MICALL2: variants seen among roughly 807,000 people sequenced by gnomAD.
MICALL2 encodes MICAL-like protein 2.
Under a neutral mutation model 91.1 loss-of-function variants are expected in MICALL2, and 111 were observed. The observed-to-expected ratio is 1.22, with a 90% CI of 1.04 to 1.43. The LOEUF (loss-of-function observed/expected upper bound fraction) is 1.43. Ranked by LOEUF, MICALL2 falls within the 40% of genes most tolerant of loss-of-function variation. MICALL2 has a pLI of 0.00. For missense variants in MICALL2, 1,556 were observed against 1,236.0 expected (o/e 1.26, Z -3.88); for synonymous variants, 694 against 525.3 (o/e 1.32, Z -4.39).
intron 14 of MICALL2, chr7:1,437,245 G>A (rs1413230552): frequency 4.0e-6 from 2 of 503,740 alleles, no homozygotes; most frequent in African/African-American, 2.1e-5. Flanking sequence ...TACACTAAAT[G>A]CCTTGTGCGA....
chr7:1,446,995 C>T (rs1780628863), intron 4 of MICALL2, among the ~76,000 whole-genome samples, 167 bp from the exon 5 acceptor site: 1 of 152,152 alleles, frequency 6.6e-6, no homozygotes, highest in Admixed American at 6.5e-5. Context: ...GTGGCAGCCC[C>T]AGTCCAGGGC....
Position 1,444,747 on chromosome 7 carries a change from A to G in MICALL2, c.1323T>C (p.Leu441=). ...SLSGRGPTPS[L]VLSKDSSKEQ... ...CCTTGCTGCTGTCCTTGGATAGAAC[A>G]AGTGACGGGGTGGGACCTCTGCCAG... The change falls in exon 6 of 17, where the codon CTT becomes CTC. Residue 441 remains leucine (L), a synonymous_variant. Coordinates refer to ENST00000297508, the MANE Select transcript of MICALL2 (RefSeq NM_182924.4). The G allele has an allele frequency of 1.2e-6, 2 of 1,612,432 alleles. No homozygotes were observed. Among genetic ancestry groups the G allele is most frequent in the African/African-American group, 2.7e-5 (2 of 75,046 alleles).
In MICALL2 at chr7:1,434,540, C is replaced by T. The variant is rs764740702; in HGVS notation, c.*56G>A. On this transcript the variant is annotated 3_prime_UTR_variant, in exon 17 of 17. Transcript: ENST00000297508. ...TTCCGGGTCCGGGCCAAGCCCATGG[C>T]CCCGAGTCCAAGTCCGGATGCCAGG... 2.7e-6 allele frequency: 4 copies of T among 1,476,516 alleles called. No individual in the cohort carries two copies. Among genetic ancestry groups the T allele is most frequent in the Non-Finnish European group, 3.8e-6 (4 of 1,055,856 alleles). The allele number at this position is 1,476,516 out of a possible 1,614,324, so 91.5% of individuals were successfully genotyped here.
intron 14 of MICALL2, chr7:1,437,251 T>A: frequency 1.9e-6 from 1 of 524,134 alleles, no homozygotes; most frequent in Non-Finnish European, 3.3e-6. Context: ...AAATGCCTTG[T>A]GCGAATTGAT....
At chr7:1,443,384 G>A (rs1780405886) in intron 6 of MICALL2, among the ~76,000 whole-genome samples, 4 of 152,274 alleles carry the variant, frequency 2.6e-5, no homozygotes, top group Middle Eastern at 6.8e-3. Context: ...GTTCTGAGCA[G>A]GGGACGCCTG....
At chr7:1,449,439 A>G (rs1478031221) in intron 2 of MICALL2, among the ~76,000 whole-genome samples, 1 of 152,226 alleles carries the variant, frequency 6.6e-6, no homozygotes, top group East Asian at 1.9e-4. Context: ...CCTCCTGAAT[A>G]GCTGGGATTA....
intron 5 of MICALL2, 21 bp from the exon 6 acceptor site, chr7:1,445,449 G>A (rs1445007459): frequency 6.7e-7 from 1 of 1,496,248 alleles, no homozygotes; most frequent in Non-Finnish European, 8.9e-7. Flanking sequence ...AAAGGCACAG[G>A]AGCCCCAGCT....
chr7:1,449,499 C>T (rs568327162), intron 2 of MICALL2, among the ~76,000 whole-genome samples: 4 of 152,292 alleles, frequency 2.6e-5, no homozygotes, highest in African/African-American at 4.8e-5. Flanking sequence ...TTAGTAGAGA[C>T]GAGGTTTCAC....
chr7:1,442,113 C>T (rs968076307), intron 7 of MICALL2, 79 bp downstream of exon 7: 2 of 1,496,516 alleles, frequency 1.3e-6, no homozygotes, highest in African/African-American at 2.8e-5. Context: ...TGAAACCGCA[C>T]ACACTGCAGA....
At position 1,445,372 on chromosome 7, in the gene MICALL2, G is replaced by C. The variant is rs772776571; in HGVS notation, c.698C>G (p.Pro233Arg). The change falls in exon 6 of 17, where the codon CCG becomes CGG. Residue 233 changes from proline (P) to arginine (R), a missense_variant. Transcript: ENST00000297508. ...GTGGCTGGTGCAGACGAAGGTGCCCGGCTCTCCTGTGGCCTTGTAGGCCCC... is the reference window on the plus strand; with the variant it reads ...GTGGCTGGTGCAGACGAAGGTGCCCCGCTCTCCTGTGGCCTTGTAGGCCCC... Reference protein sequence around the residue: ...HSGAYKATGEPGTFVCTSHLP... With the variant: ...HSGAYKATGERGTFVCTSHLP... 2 of 1,586,440 alleles carry C rather than the reference G, an allele frequency of 1.3e-6. No homozygotes were observed. Among genetic ancestry groups the C allele is most frequent in the African/African-American group, 2.7e-5 (2 of 74,606 alleles).
chr7:1,444,819 C>G lies in MICALL2; in HGVS notation c.1251G>C (p.Arg417=), dbSNP rs764402419. Residue 417 remains arginine, a synonymous_variant, in exon 6 of 17, where the codon CGG becomes CGC. Coordinates refer to ENST00000297508, the MANE Select transcript of MICALL2 (RefSeq NM_182924.4). ...TPSASRTQQA[R]NKFFQTSAVP... Reference sequence around the variant, plus strand: ...CTGCTGATGTTTGGAAAAACTTATTCCGGGCCTGCTGGGTCCTGGAGGCGG... The same window carrying G: ...CTGCTGATGTTTGGAAAAACTTATTGCGGGCCTGCTGGGTCCTGGAGGCGG... 1 of 1,610,700 alleles carries G rather than the reference C, an allele frequency of 6.2e-7. No homozygotes were observed. Among genetic ancestry groups the G allele is most frequent in the South Asian group, 1.1e-5 (1 of 90,998 alleles).
intron 15 of MICALL2, among the ~76,000 whole-genome samples, chr7:1,436,030 G>A (rs1318445812): frequency 6.6e-6 from 1 of 150,878 alleles, no homozygotes; most frequent in Non-Finnish European, 1.5e-5. Flanking sequence ...TCCAGCCTGG[G>A]CGACAGAGCA....
chr7:1,438,535 G>C, intron 10 of MICALL2, 182 bp from the exon 11 acceptor site: 1 of 1,433,370 alleles, frequency 7.0e-7, no homozygotes, highest in Non-Finnish European at 9.1e-7. Flanking sequence ...GTGGCCTCCA[G>C]GCCCAGCCCC....
Position 1,438,937 on chromosome 7 carries a change from A to G in MICALL2, c.2025T>C (p.Val675=). The G allele has an allele frequency of 6.2e-7, 1 of 1,606,480 alleles. No individual in the cohort carries two copies. The highest frequency in any genetic ancestry group is 8.5e-7 in the Non-Finnish European group (1 of 1,179,500). The part of the protein sequence containing the change: ...RRLAVPASLD[V]CDNWLRPEPP... The stretch of plus-strand genomic sequence containing the variant: ...GCTCCGGCCGAAGCCAGTTGTCACA[A>G]ACGTCGAGGCTGGCAGGGACGGCCA... The change falls in exon 10 of 17, where the codon GTT becomes GTC. Residue 675 remains valine (V), a synonymous_variant. Transcript: ENST00000297508.
In MICALL2 at chr7:1,435,262, G is replaced by A; in HGVS notation, c.2592-115C>T. ...AGCCCTGAGTCCCGCCTGGACCCAT[G>A]CCACCTGCCCCTTCCTGCTGACAGG... On this transcript the variant is annotated intron_variant, in intron 15 of 16. Coordinates refer to ENST00000297508, the MANE Select transcript of MICALL2 (RefSeq NM_182924.4). 4 of 1,006,272 alleles carry A rather than the reference G, an allele frequency of 4.0e-6. No homozygotes were observed. The South Asian group carries it at 4.1e-5, about 10-fold the overall frequency. 62.3% of individuals were successfully genotyped at this position (1,006,272 alleles called of 1,614,324 possible).
At chr7:1,437,317 G>A (rs986873289) in intron 14 of MICALL2, 94 of 496,682 alleles carry the variant, frequency 1.9e-4, no homozygotes, top group East Asian at 1.3e-4. Context: ...TCCTCACTTT[G>A]CAGAGGATGA....
chr7:1,437,535 C>T lies in MICALL2; in HGVS notation c.2476G>A (p.Glu826Lys), dbSNP rs200592759. Reference sequence around the variant, plus strand: ...CTTGGCTGGCGCGCGGGGGACGCACCGGGCTTGGCCATGAGCCGGCGCAGC... The same window carrying T: ...CTTGGCTGGCGCGCGGGGGACGCACTGGGCTTGGCCATGAGCCGGCGCAGC... ...GELRRLMAKP[E>K]ALKSLQERRR... The change falls in exon 14 of 17, where the codon GAG (glutamate) becomes AAG (lysine). Residue 826 changes from glutamate (E) to lysine (K), a missense_variant and splice_region_variant. By Grantham distance (56) the Glu-to-Lys change is moderately conservative. Coordinates refer to ENST00000297508, the MANE Select transcript of MICALL2 (RefSeq NM_182924.4). 3.1e-4 allele frequency: 463 copies of T among 1,517,518 alleles called. No homozygotes were observed. Among genetic ancestry groups the T allele is most frequent in the Non-Finnish European group, 3.6e-4 (416 of 1,142,112 alleles). The allele number at this position is 1,517,518 out of a possible 1,614,324, so 94.0% of individuals were successfully genotyped here. A position where few individuals can be genotyped will look rare whatever the true frequency, so the allele number is the denominator to read the frequency against.
chr7:1,442,247 G>A lies in MICALL2; in HGVS notation c.1656C>T (p.Ser552=). 2 of 1,612,886 alleles carry A rather than the reference G, an allele frequency of 1.2e-6. No homozygotes were observed. Among genetic ancestry groups the A allele is most frequent in the South Asian group, 2.2e-5 (2 of 91,084 alleles). Residue 552 remains serine (S), a synonymous_variant, in exon 7 of 17, where the codon TCC becomes TCT. Coordinates refer to ENST00000297508, the MANE Select transcript of MICALL2 (RefSeq NM_182924.4). ...CCATCGGGGCCTCTGGCTTCGGCCT[G>A]GAGCCAGCACCCACCCTGCCGACCC... ...SSGVGRVGAG[S]RPKPEAPMAK...
rs572446052 is a variant in MICALL2, at chr7:1,448,664, G to A, written c.290C>T (p.Thr97Ile). 3.5e-5 allele frequency: 57 copies of A among 1,612,810 alleles called. 1 individual carries two copies. The highest frequency in any genetic ancestry group is 1.5e-4 in the Admixed American group (9 of 60,034). Residue 97 changes from threonine to isoleucine, a missense_variant, in exon 3 of 17, where the codon ACC becomes ATC. Coordinates refer to ENST00000297508, the MANE Select transcript of MICALL2 (RefSeq NM_182924.4). ...LKVPDRLSIL[T>I]YVSQYYNYFH... is the part of the protein sequence containing the mutation. ...GTAGTTGTAATACTGGGACACGTAG[G>A]TCAAGATGCTCAGCCGGTCAGGCAC...
Sources: allele counts gnomAD v4.1 joint callset (sites outside exome capture counted in the v4.1 genomes callset), GRCh38; gene constraint gnomAD v4.1.1; transcripts MANE v1.5; gene names NCBI Gene and HGNC (gene_info 2026-07-23, HGNC 2026-07-21).